TIAM1: variants seen among roughly 807,000 people sequenced by gnomAD.
TIAM1 encodes the protein TIAM Rac1 associated GEF 1, also known as rho guanine nucleotide exchange factor TIAM1.
Under a neutral mutation model 163.5 loss-of-function variants are expected in TIAM1, and 65 were observed. That is an observed-to-expected ratio of 0.40 (90% confidence interval 0.33 to 0.49). The LOEUF is 0.49. Among genes scored for constraint, TIAM1 ranks in the 20% least tolerant of loss-of-function variants. The pLI is 0.77. For synonymous variants in TIAM1, 833 were observed against 810.1 expected, an observed-to-expected ratio of 1.03 and a Z score of -0.48; for missense variants, 1,789 against 2,044.7, an observed-to-expected ratio of 0.87 and a Z score of 2.41.
chr21:31,263,735 G>C (rs2072607646), intron 4 of TIAM1, among the ~76,000 whole-genome samples: 1 of 152,128 alleles, frequency 6.6e-6, no homozygotes, highest in Admixed American at 6.5e-5. Flanking sequence ...TGTTCAGGTA[G>C]AAATGAAAGT....
chr21:31,473,429 C>CAAAAAA lies in TIAM1; in HGVS notation c.-421-9400_-421-9395dup, dbSNP rs56691495. ...TGGGGGACAGATCAAGACTCCATCTCAAAAAAAAAAAAAAAAAAAAAAAAA... is the reference window on the plus strand; with the variant it reads ...TGGGGGACAGATCAAGACTCCATCTCAAAAAAAAAAAAAAAAAAAAAAAAAAAAAAA... On this transcript the variant is annotated intron_variant, in intron 1 of 28. Coordinates refer to the TIAM1 transcript ENST00000286827. Among the ~76,000 whole-genome samples the CAAAAAA allele has an allele frequency of 2.5e-4, 19 of 75,680 alleles. 3 individuals are homozygous for CAAAAAA. The highest frequency in any genetic ancestry group is 4.3e-4 in the Non-Finnish European group (16 of 37,254). 49.6% of individuals were successfully genotyped at this position (75,680 alleles called of 152,430 possible). A position where few individuals can be genotyped will look rare whatever the true frequency, so the allele number is the denominator to read the frequency against.
intron 1 of TIAM1, among the ~76,000 whole-genome samples, chr21:31,512,117 G>C (rs2047228721): frequency 6.6e-6 from 1 of 152,128 alleles, no homozygotes; most frequent in Non-Finnish European, 1.5e-5. Flanking sequence ...TATTTTTTGA[G>C]ATAGGGTCTC....
intron 13 of TIAM1, among the ~76,000 whole-genome samples, chr21:31,194,074 C>T (rs1018212045): frequency 6.6e-6 from 1 of 151,996 alleles, no homozygotes; most frequent in Admixed American, 6.6e-5. Context: ...CGCCGCTGGC[C>T]GGAAGACCCA....
chr21:31,460,003 G>A (rs1223529436), intron 2 of TIAM1, among the ~76,000 whole-genome samples: 4 of 152,116 alleles, frequency 2.6e-5, no homozygotes, highest in Non-Finnish European at 2.9e-5. Context: ...TGGCAACAAG[G>A]TCCATGGGGG....
intron 10 of TIAM1, among the ~76,000 whole-genome samples, chr21:31,212,468 C>T (rs958774452): frequency 6.6e-6 from 1 of 152,014 alleles, no homozygotes; most frequent in Non-Finnish European, 1.5e-5. Flanking sequence ...GTCTTGAAAA[C>T]GAGAGACGTC....
At chr21:31,487,242 A>G (rs2046301471) in intron 1 of TIAM1, among the ~76,000 whole-genome samples, 1 of 152,162 alleles carries the variant, frequency 6.6e-6, no homozygotes, top group African/African-American at 2.4e-5. Context: ...AGAGCCCTAC[A>G]AGGCACAGGA....
intron 3 of TIAM1, among the ~76,000 whole-genome samples, chr21:31,270,032 C>T (rs903469144): frequency 2.6e-5 from 4 of 152,202 alleles, no homozygotes; most frequent in African/African-American, 9.6e-5. Context: ...CTTCCATCAT[C>T]TTAATTTCTT....
At chr21:31,352,790 G>A (rs542963441) in intron 2 of TIAM1, among the ~76,000 whole-genome samples, 58 of 151,866 alleles carry the variant, frequency 3.8e-4, no homozygotes, top group Middle Eastern at 3.4e-3. Flanking sequence ...CACAAGAATA[G>A]CTTGAACCTG....
intron 1 of TIAM1, among the ~76,000 whole-genome samples, chr21:31,500,464 C>T (rs755862393): frequency 6.6e-6 from 1 of 152,080 alleles, no homozygotes. Flanking sequence ...GCACACAAGT[C>T]CTCTGTTAGG....
In TIAM1 at chr21:31,252,024, C is replaced by A. The variant is rs1306980031; in HGVS notation, c.1129G>T (p.Asp377Tyr). The A allele has an allele frequency of 6.2e-7, 1 of 1,614,090 alleles. No homozygotes were observed. Among genetic ancestry groups the A allele is most frequent in the Middle Eastern group, 1.6e-4 (1 of 6,062 alleles). The part of the protein sequence containing the change: ...GSDSGSSSTG[D>Y]AARQGVYENF... Reference sequence around the variant, plus strand: ...TCGTACACCCCCTGACGAGCCGCATCCCCGGTGGAGCTGCTGCCGCTGTCG... The same window carrying A: ...TCGTACACCCCCTGACGAGCCGCATACCCGGTGGAGCTGCTGCCGCTGTCG... Residue 377 changes from aspartate (D) to tyrosine (Y), a missense_variant, in exon 5 of 28, where the codon GAT (aspartate) becomes TAT (tyrosine). Physicochemically the swap from Asp to Tyr is radical, Grantham distance 160 (BLOSUM62 -3). This residue lies in a region of TIAM1 where 555 missense variants were observed against 564.9 expected (regional missense o/e 0.98). Coordinates refer to ENST00000541036, the MANE Select transcript of TIAM1 (RefSeq NM_001353694.2).
At chr21:31,505,606 G>GA (rs113306153) in intron 1 of TIAM1, among the ~76,000 whole-genome samples, 4,587 of 152,154 alleles carry the variant, frequency 0.03, 242 homozygotes, top group African/African-American at 0.1. Flanking sequence ...AATTGTGGGG[G>GA]AAAAAATCAG....
At chr21:31,415,109 C>T (rs13052656) in intron 2 of TIAM1, among the ~76,000 whole-genome samples, 9,328 of 152,216 alleles carry the variant, frequency 0.061, 367 homozygotes, top group East Asian at 0.11. Context: ...CAGCAGTCCA[C>T]GTAAAACAAA....
At chr21:31,469,164 C>T (rs2147368610) in intron 1 of TIAM1, among the ~76,000 whole-genome samples, 1 of 149,790 alleles carries the variant, frequency 6.7e-6, no homozygotes, top group East Asian at 2.0e-4. Flanking sequence ...TTCACTGCAG[C>T]CTTGAACTCC....
At chr21:31,365,622 ACCTCGTGATCCACCTG>A (rs2147144208) in intron 2 of TIAM1, among the ~76,000 whole-genome samples, 1 of 150,578 alleles carries the variant, frequency 6.6e-6, no homozygotes, top group African/African-American at 2.4e-5. Flanking sequence ...CGATCTCCTG[ACCTCGTGATCCACCTG>A]CCTCGGCCTC....
intron 23 of TIAM1, among the ~76,000 whole-genome samples, chr21:31,133,920 T>C (rs112844487): frequency 3.9e-5 from 6 of 151,970 alleles, no homozygotes; most frequent in African/African-American, 1.4e-4. Context: ...ACACAAAAAT[T>C]AGCTGGGCGT....
At chr21:31,195,555 C>CA (rs1454287835) in intron 12 of TIAM1, among the ~76,000 whole-genome samples, 2 of 152,180 alleles carry the variant, frequency 1.3e-5, no homozygotes, top group East Asian at 3.9e-4. Context: ...TATTCCTACC[C>CA]AATGTCTATC....
chr21:31,335,987 G>A (rs2075826193), intron 2 of TIAM1, among the ~76,000 whole-genome samples: 1 of 152,166 alleles, frequency 6.6e-6, no homozygotes, highest in Admixed American at 6.5e-5. Flanking sequence ...CATGTATTCT[G>A]TTAGAGATCA....
intron 27 of TIAM1, among the ~76,000 whole-genome samples, chr21:31,122,835 C>G (rs910610410): frequency 6.6e-6 from 1 of 152,184 alleles, no homozygotes; most frequent in African/African-American, 2.4e-5. Context: ...TTATTGGGTT[C>G]TTCCCAGTCT....
chr21:31,414,775 C>T (rs117005560), intron 2 of TIAM1, among the ~76,000 whole-genome samples: 2,553 of 152,302 alleles, frequency 0.017, 42 homozygotes, highest in South Asian at 0.043. Flanking sequence ...ATTTCCTCAG[C>T]GGGCAAAAAC....
Sources: gnomAD v4.1 joint callset for allele counts (sites outside exome capture counted in the v4.1 genomes callset) on GRCh38, gnomAD v4.1.1 for gene constraint, gnomAD v4.1.1 regional missense constraint, MANE v1.5 for transcripts, NCBI Gene and HGNC (gene_info 2026-07-23, HGNC 2026-07-21) for gene names.